MAML2: variants seen among roughly 807,000 people sequenced by gnomAD.
MAML2 encodes mastermind-like protein 2.
In MAML2, 22 loss-of-function variants were observed where a neutral mutation model predicts 96.1. The observed-to-expected ratio is 0.23, with a 90% CI of 0.16 to 0.33. The LOEUF is 0.33. Among genes scored for constraint, MAML2 ranks in the 10% least tolerant of loss-of-function variants. The pLI, the probability that MAML2 is intolerant of heterozygous loss-of-function variation, is 1.00. For synonymous variants in MAML2, 561 were observed against 521.3 expected (o/e 1.08, Z -1.04); for missense variants, 1,367 against 1,392.4 (o/e 0.98, Z 0.29).
chr11:96,309,433 T>C (rs546606717), intron 1 of MAML2, among the ~76,000 whole-genome samples: 1 of 152,332 alleles, frequency 6.6e-6, no homozygotes, highest in African/African-American at 2.4e-5. Context: ...TTCAACCCAG[T>C]AGCAGGATTG....
At chr11:96,220,230 G>A (rs893739601) in intron 1 of MAML2, among the ~76,000 whole-genome samples, 4 of 152,172 alleles carry the variant, frequency 2.6e-5, no homozygotes. Context: ...ACAAATGAGT[G>A]ACCCTCCTTC....
At chr11:95,991,272 C>T (rs1857905626) in intron 3 of MAML2, among the ~76,000 whole-genome samples, 2 of 152,154 alleles carry the variant, frequency 1.3e-5, no homozygotes, top group South Asian at 2.1e-4. Context: ...TTGTTCTAGA[C>T]ATTCCTGGGC....
At chr11:96,163,193 A>G (rs1329062216) in intron 1 of MAML2, among the ~76,000 whole-genome samples, 1 of 152,136 alleles carries the variant, frequency 6.6e-6, no homozygotes, top group African/African-American at 2.4e-5. Flanking sequence ...GTTTAAGTAT[A>G]CACTTCCCTC....
intron 1 of MAML2, among the ~76,000 whole-genome samples, chr11:96,265,955 C>T (rs1441228145): frequency 6.6e-6 from 1 of 152,208 alleles, no homozygotes; most frequent in Non-Finnish European, 1.5e-5. Flanking sequence ...ACAGAAAGCC[C>T]TCTGTCTTTG....
At chr11:96,324,750 C>T (rs1322920365) in intron 1 of MAML2, among the ~76,000 whole-genome samples, 1 of 152,046 alleles carries the variant, frequency 6.6e-6, no homozygotes, top group African/African-American at 2.4e-5. Context: ...CAGGTCTCTC[C>T]CTAAAGTTCC....
intron 1 of MAML2, among the ~76,000 whole-genome samples, chr11:96,320,345 T>C (rs1863683907): frequency 6.6e-6 from 1 of 152,194 alleles, no homozygotes; most frequent in Admixed American, 6.5e-5. Flanking sequence ...AAACTACTCA[T>C]CACAGCTCCA....
At chr11:96,210,760 A>G (rs1019754048) in intron 1 of MAML2, among the ~76,000 whole-genome samples, 1 of 152,166 alleles carries the variant, frequency 6.6e-6, no homozygotes, top group African/African-American at 2.4e-5. Context: ...TATTATTAAT[A>G]TTTTCTTATC....
chr11:96,260,702 T>C (rs1862737247), intron 1 of MAML2, among the ~76,000 whole-genome samples: 3 of 151,970 alleles, frequency 2.0e-5, no homozygotes, highest in Admixed American at 2.0e-4. Flanking sequence ...TGACCTTATA[T>C]CCAGAAATAT....
At chr11:96,336,269 C>G (rs1393768714) in intron 1 of MAML2, among the ~76,000 whole-genome samples, 1 of 152,060 alleles carries the variant, frequency 6.6e-6, no homozygotes, top group African/African-American at 2.4e-5. Context: ...TTTTTGCAGG[C>G]CTTACATAAA....
chr11:96,051,462 G>A (rs963313612), intron 2 of MAML2, among the ~76,000 whole-genome samples: 1 of 152,030 alleles, frequency 6.6e-6, no homozygotes, highest in Admixed American at 6.6e-5. Context: ...TAATACTAAT[G>A]TGTATTATTC....
chr11:96,125,967 C>G (rs1374448789), intron 1 of MAML2, among the ~76,000 whole-genome samples: 1 of 152,144 alleles, frequency 6.6e-6, no homozygotes, highest in Non-Finnish European at 1.5e-5. Context: ...CCATTATGGT[C>G]CCTGGCCTAC....
intron 2 of MAML2, among the ~76,000 whole-genome samples, chr11:96,088,667 T>C (rs1213823082): frequency 6.6e-6 from 1 of 152,174 alleles, no homozygotes; most frequent in Non-Finnish European, 1.5e-5. Flanking sequence ...AGCATTTGTT[T>C]TCCCCATCTC....
chr11:96,262,547 A>C (rs1178307873), intron 1 of MAML2, among the ~76,000 whole-genome samples: 1 of 151,714 alleles, frequency 6.6e-6, no homozygotes, highest in Non-Finnish European at 1.5e-5. Context: ...AGCTCACTGC[A>C]ACCTCCGCCT....
chr11:96,239,480 G>A (rs1862404565), intron 1 of MAML2, among the ~76,000 whole-genome samples: 1 of 152,206 alleles, frequency 6.6e-6, no homozygotes, highest in Admixed American at 6.5e-5. Context: ...AATGTTCAGA[G>A]TTTGAGTTGT....
chr11:95,983,249 T>C (rs1238662689), intron 4 of MAML2, among the ~76,000 whole-genome samples: 1 of 152,108 alleles, frequency 6.6e-6, no homozygotes, highest in Non-Finnish European at 1.5e-5. Flanking sequence ...TTTGTGTGTG[T>C]TTGTGTCTTA....
intron 1 of MAML2, among the ~76,000 whole-genome samples, chr11:96,114,829 T>C (rs1860206297): frequency 6.6e-6 from 1 of 152,158 alleles, no homozygotes; most frequent in Admixed American, 6.5e-5. Flanking sequence ...ATACCTGGAA[T>C]GTGGAACAGA....
At chr11:96,182,850 C>T (rs1861506912) in intron 1 of MAML2, among the ~76,000 whole-genome samples, 1 of 152,104 alleles carries the variant, frequency 6.6e-6, no homozygotes, top group Non-Finnish European at 1.5e-5. Context: ...TCCTTACCAT[C>T]CACTAGAGGA....
intron 1 of MAML2, among the ~76,000 whole-genome samples, chr11:96,279,243 C>G (rs1010954972): frequency 2.0e-5 from 3 of 152,112 alleles, no homozygotes; most frequent in Admixed American, 6.5e-5. Flanking sequence ...TCTTAAAACC[C>G]TGGGCTTATG....
intron 2 of MAML2, among the ~76,000 whole-genome samples, chr11:96,082,499 A>G (rs1859542799): frequency 4.6e-5 from 7 of 152,208 alleles, no homozygotes; most frequent in Admixed American, 3.9e-4. Context: ...AACAAAGTGG[A>G]CAGGATGTTA....
Sources: allele counts gnomAD v4.1 joint callset (sites outside exome capture counted in the v4.1 genomes callset), GRCh38; gene constraint gnomAD v4.1.1; transcripts MANE v1.5; gene names NCBI Gene and HGNC (gene_info 2026-07-23, HGNC 2026-07-21).